The following KCNH3 variants were observed in gnomAD, a reference collection of about 807,000 sequenced individuals.
KCNH3 encodes potassium voltage-gated channel subfamily H member 3.
In KCNH3, 36 loss-of-function variants were observed where a neutral mutation model predicts 95.6. The observed-to-expected ratio is 0.38, with a 90% CI of 0.29 to 0.50. The LOEUF (loss-of-function observed/expected upper bound fraction) is 0.50, where lower values mean the gene tolerates loss of function less well. Ranked by LOEUF, KCNH3 falls within the 20% of genes least tolerant of loss-of-function variation. KCNH3 has a pLI of 0.95. For synonymous variants in KCNH3, 620 were observed against 646.3 expected (o/e 0.96, Z 0.62); for missense variants, 1,030 against 1,484.1 (o/e 0.69, Z 5.03).
intron 10 of KCNH3, among the ~76,000 whole-genome samples, chr12:49,553,143 A>C (rs1299731296): frequency 7.2e-6 from 1 of 138,290 alleles, no homozygotes; most frequent in Non-Finnish European, 1.5e-5. Flanking sequence ...GTTGGAAATG[A>C]ATTTTTTTTT....
chr12:49,549,100 C>T lies in KCNH3; in HGVS notation c.1395C>T (p.Ser465=). The change falls in exon 8 of 15, where the codon AGC becomes AGT. Residue 465 remains serine, a synonymous_variant. Coordinates refer to ENST00000257981, the MANE Select transcript of KCNH3 (RefSeq NM_012284.3). ...SLYFALSSLT[S]VGFGNVSANT... ...ACTTCGCACTCAGCAGCCTCACCAGCGTGGGCTTCGGCAACGTGTCCGCCA... is the reference window on the plus strand; with the variant it reads ...ACTTCGCACTCAGCAGCCTCACCAGTGTGGGCTTCGGCAACGTGTCCGCCA... 2 of 1,612,668 alleles carry T rather than the reference C, an allele frequency of 1.2e-6. No individual in the cohort carries two copies. Among genetic ancestry groups the T allele is most frequent in the Non-Finnish European group, 1.7e-6 (2 of 1,179,770 alleles).
At chr12:49,555,496 A>G in intron 11 of KCNH3, 124 bp from the exon 12 acceptor site, 1 of 527,076 alleles carries the variant, frequency 1.9e-6, no homozygotes, top group Admixed American at 3.8e-5. Context: ...CAGTTAGAAT[A>G]GATGTTGGCT....
chr12:49,556,102 C>T (rs887438719), intron 12 of KCNH3, 151 bp downstream of exon 12: 5 of 594,784 alleles, frequency 8.4e-6, no homozygotes, highest in African/African-American at 5.6e-5. Context: ...GCCTTCTGTG[C>T]TCCTCCTTTC....
rs771641967 is a variant in KCNH3, at chr12:49,558,003, C to T, written c.*50C>T. The T allele has an allele frequency of 1.5e-5, 21 of 1,430,858 alleles. No individual in the cohort carries two copies. Among genetic ancestry groups the T allele is most frequent in the South Asian group, 7.4e-5 (4 of 53,728 alleles). 88.6% of individuals were successfully genotyped at this position (1,430,858 alleles called of 1,614,324 possible). A position where few individuals can be genotyped will look rare whatever the true frequency, so the allele number is the denominator to read the frequency against. On this transcript the variant is annotated 3_prime_UTR_variant, in exon 15 of 15. Transcript: ENST00000257981. ...GCCAGGTGTGCTGCCATCTGCTGTT[C>T]GGCCCAACCTCAGAGTGAAGGCAGG...
intron 9 of KCNH3, 37 bp from the exon 10 acceptor site, chr12:49,550,043 T>TTCCCCCCCCCCCC: frequency 7.7e-7 from 1 of 1,299,542 alleles, no homozygotes. Context: ...CTTCTGCCAC[T>TTCCCCCCCCCCCC]CCCAACCCCC....
rs1937807084 is a variant in KCNH3, at chr12:49,539,764, G to C, written c.76+272G>C. Among the ~76,000 whole-genome samples the C allele has an allele frequency of 6.6e-6, 1 of 152,144 alleles. No homozygotes were observed. Among genetic ancestry groups the C allele is most frequent in the African/African-American group, 2.4e-5 (1 of 41,420 alleles). On this transcript the variant is annotated intron_variant, in intron 1 of 14. Transcript: ENST00000257981. The surrounding 1 kb of genome is among the most constrained non-coding windows in gnomAD (Gnocchi z 6.7). ...GGATGCTCTCTGTTAGCCGGGTCTC[G>C]AACCCGAACCTAGTCAGTCTGACCC... is the stretch of plus-strand genomic sequence containing the variant.
Position 49,544,366 on chromosome 12 carries a change from C to T in KCNH3, c.1173C>T (p.Ser391=), listed in dbSNP as rs1001492216. The part of the protein sequence containing the change: ...IGQREIESSE[S]ELPEIGWLQE... ...AGCGGGAGATCGAGAGCAGCGAATC[C>T]GAGCTGCCTGAGATTGGTACTGGAG... Residue 391 remains serine (S), a synonymous_variant, in exon 7 of 15, where the codon TCC becomes TCT. Transcript: ENST00000257981. 17 of 1,613,112 alleles carry T rather than the reference C, an allele frequency of 1.1e-5. No individual in the cohort carries two copies. The highest frequency in any genetic ancestry group is 1.7e-4 in the Middle Eastern group (1 of 5,954).
chr12:49,540,597 A>G (rs545209180), intron 1 of KCNH3, among the ~76,000 whole-genome samples: 1 of 152,188 alleles, frequency 6.6e-6, no homozygotes, highest in Non-Finnish European at 1.5e-5. Context: ...GGATTCCCCA[A>G]TCCCAGCCCT....
At position 49,549,021 on chromosome 12, in the gene KCNH3, G is replaced by A. The variant is rs767642920; in HGVS notation, c.1316G>A (p.Gly439Glu). The A allele has an allele frequency of 1.2e-6, 2 of 1,611,942 alleles. No individual in the cohort carries two copies. The highest frequency in any genetic ancestry group is 2.2e-5 in the East Asian group (1 of 44,866). ...AGCAGCAGCGAGGCCAACGGGACGG[G>A]GCTGGAGCTGCTGGGCGGCCCGTCG... is the stretch of plus-strand genomic sequence containing the variant. ...CSSSSEANGT[G>E]LELLGGPSLR... is the part of the protein sequence containing the mutation. Residue 439 changes from glycine to glutamate, a missense_variant, in exon 8 of 15, where the codon GGG becomes GAG. Coordinates refer to ENST00000257981, the MANE Select transcript of KCNH3 (RefSeq NM_012284.3).
rs1421549135 is a variant in KCNH3, at chr12:49,545,428, T to G, written c.1189+1046T>G. On this transcript the variant is annotated intron_variant, in intron 7 of 14. Coordinates refer to ENST00000257981, the MANE Select transcript of KCNH3 (RefSeq NM_012284.3). The stretch of plus-strand genomic sequence containing the variant: ...CTTTTTTTTTTTTTTTTTTTTGAGC[T>G]GTCACTCAGGCTGGAGTACAGTGGC... Among the ~76,000 whole-genome samples the G allele has an allele frequency of 7.6e-5, 11 of 143,818 alleles. No homozygotes were observed. The East Asian group carries it at 2.1e-3, about 27-fold the overall frequency. 94.4% of individuals were successfully genotyped at this position (143,818 alleles called of 152,430 possible).
chr12:49,557,272 G>A lies in KCNH3; in HGVS notation c.2652+13G>A. On this transcript the variant is annotated intron_variant, in intron 14 of 14. Coordinates refer to ENST00000257981, the MANE Select transcript of KCNH3 (RefSeq NM_012284.3). ...GCTTCGGCAGGCGGTGGGTGAGGGG[G>A]AAGGTGGAGGTGAGGGGGGCACCAG... 3 of 1,613,940 alleles carry A rather than the reference G, an allele frequency of 1.9e-6. No homozygotes were observed. Among genetic ancestry groups the A allele is most frequent in the Non-Finnish European group, 1.7e-6 (2 of 1,179,990 alleles).
In KCNH3 at chr12:49,555,579, G is replaced by GTGAC; in HGVS notation, c.2137-40_2137-37dup. On this transcript the variant is annotated intron_variant, in intron 11 of 14. Transcript: ENST00000257981. ...TAGGGGAGGTGAGTGGGACACAATA[G>GTGAC]TGACCATCCATGCCGATTCCCTGTC... 3.7e-6 allele frequency: 5 copies of GTGAC among 1,348,054 alleles called. 1 individual carries two copies. The South Asian group carries it at 7.2e-5, about 19-fold the overall frequency. 83.5% of individuals were successfully genotyped at this position (1,348,054 alleles called of 1,614,324 possible).
chr12:49,539,435 C>A lies in KCNH3; in HGVS notation c.19C>A (p.Leu7Ile). MPAMRG[L>I]LAPQNTFLDT... ...GCCTAAGATGCCGGCCATGCGGGGC[C>A]TCCTGGCGCCGCAGAACACCTTCCT... Residue 7 changes from leucine (L) to isoleucine (I), a missense_variant, in exon 1 of 15, where the codon CTC becomes ATC. Leu to Ile is a conservative substitution (Grantham distance 5). This residue lies in a region of KCNH3 where 26 missense variants were observed against 35.1 expected (regional missense o/e 0.74). Coordinates refer to ENST00000257981, the MANE Select transcript of KCNH3 (RefSeq NM_012284.3). The surrounding 1 kb of genome is among the most constrained non-coding windows in gnomAD (Gnocchi z 6.7). 6.4e-7 allele frequency: 1 copy of A among 1,566,534 alleles called. No homozygotes were observed. Among genetic ancestry groups the A allele is most frequent in the Non-Finnish European group, 8.6e-7 (1 of 1,160,064 alleles).
At chr12:49,543,816 C>A in intron 5 of KCNH3, 99 bp from the exon 6 acceptor site, 1 of 1,460,176 alleles carries the variant, frequency 6.8e-7, no homozygotes, top group Non-Finnish European at 9.4e-7. Context: ...ATGGGAAGGG[C>A]CGGGGACAGT....
intron 10 of KCNH3, among the ~76,000 whole-genome samples, chr12:49,553,906 TAAAAAC>T (rs1938344330): frequency 6.6e-6 from 1 of 152,202 alleles, no homozygotes; most frequent in South Asian, 2.1e-4. Context: ...CTGTGGGACT[TAAAAAC>T]AATCAGACTG....
chr12:49,556,460 C>G lies in KCNH3; in HGVS notation c.2559C>G (p.Ser853Arg). The G allele has an allele frequency of 1.2e-6, 2 of 1,613,670 alleles. No individual in the cohort carries two copies. The highest frequency in any genetic ancestry group is 1.7e-6 in the Non-Finnish European group (2 of 1,179,666). ...VGQSGPECSS[S>R]PSPGPESGLL... Reference sequence around the variant, plus strand: ...AGTCTGGCCCGGAATGTAGCAGCAGCCCCTCCCCTGGACCAGGTACCAGGG... The same window carrying G: ...AGTCTGGCCCGGAATGTAGCAGCAGGCCCTCCCCTGGACCAGGTACCAGGG... The change falls in exon 13 of 15, where the codon AGC (serine) becomes AGG (arginine). Residue 853 changes from serine (S) to arginine (R), a missense_variant. Transcript: ENST00000257981.
intron 10 of KCNH3, among the ~76,000 whole-genome samples, chr12:49,552,584 T>G (rs1428090628): frequency 6.6e-6 from 1 of 152,220 alleles, no homozygotes; most frequent in East Asian, 1.9e-4. Context: ...GCATCCTGTC[T>G]GCTTCAGGCA....
At chr12:49,541,513 C>T in intron 2 of KCNH3, 117 bp from the exon 3 acceptor site, 2 of 1,264,488 alleles carry the variant, frequency 1.6e-6, no homozygotes, top group Non-Finnish European at 2.2e-6. Flanking sequence ...AGCCCTTCCC[C>T]CAGGAAACCG....
At position 49,542,735 on chromosome 12, in the gene KCNH3, C is replaced by T. The variant is rs1273768005; in HGVS notation, c.475C>T (p.Arg159Ter). ...GGGRRRYGRA[R>*]SKGFNANRRR... is the part of the protein sequence containing the mutation. The stretch of plus-strand genomic sequence containing the variant: ...TGGCCGGCGCCGATATGGCCGGGCA[C>T]GATCCAAAGGCTTCAATGCCAACCG... Residue 159 changes from arginine to a stop codon, truncating the protein, a stop_gained, in exon 4 of 15, where the codon CGA becomes TGA. Transcript: ENST00000257981. LOFTEE classifies it high-confidence loss of function. 2.5e-6 allele frequency: 4 copies of T among 1,585,738 alleles called. No homozygotes were observed. Among genetic ancestry groups the T allele is most frequent in the Non-Finnish European group, 3.4e-6 (4 of 1,166,946 alleles).
Sources: allele counts gnomAD v4.1 joint callset (sites outside exome capture counted in the v4.1 genomes callset), GRCh38; gene constraint gnomAD v4.1.1; regional missense constraint gnomAD v4.1.1; non-coding constraint Gnocchi (gnomAD v3.1); transcripts MANE v1.5; gene names NCBI Gene and HGNC (gene_info 2026-07-23, HGNC 2026-07-21).